ARF4: variants seen among roughly 807,000 people sequenced by gnomAD.
ARF4 encodes the protein ADP-ribosylation factor 4.
Under a neutral mutation model 24.3 loss-of-function variants are expected in ARF4, and 5 were observed. The ratio of observed to expected loss-of-function variants is 0.21; its 90% CI spans 0.11 to 0.43. The LOEUF (loss-of-function observed/expected upper bound fraction) is 0.43. Ranked by LOEUF, ARF4 falls within the 20% of genes least tolerant of loss-of-function variation. The pLI is 1.00. For synonymous variants in ARF4, 62 were observed against 73.5 expected, an observed-to-expected ratio of 0.84 and a Z score of 0.80; for missense variants, 107 against 213.0, an observed-to-expected ratio of 0.50 and a Z score of 3.10.
Position 57,584,384 on chromosome 3 carries a change from C to T in ARF4, c.148G>A (p.Gly50Ser). The change falls in exon 2 of 6, where the codon GGT becomes AGT. Residue 50 changes from glycine to serine, a missense_variant and splice_region_variant. By Grantham distance (56) the Gly-to-Ser change is moderately conservative. Coordinates refer to ENST00000303436, the MANE Select transcript of ARF4 (RefSeq NM_001660.4). ...TAAAGTCATCTGTAAACTTTCTTACCAATGGTAGGAATGGTGGTGACTATC... is the reference window on the plus strand; with the variant it reads ...TAAAGTCATCTGTAAACTTTCTTACTAATGGTAGGAATGGTGGTGACTATC... ...GEIVTTIPTI[G>S]FNVETVEYKN... is the part of the protein sequence containing the mutation. 6.2e-7 allele frequency: 1 copy of T among 1,604,980 alleles called. No individual in the cohort carries two copies. Among genetic ancestry groups the T allele is most frequent in the Non-Finnish European group, 8.5e-7 (1 of 1,172,350 alleles).
In ARF4 at chr3:57,597,163, GGCAGAA is replaced by G. The variant is rs1221544025; in HGVS notation, c.-29_-24del. ...CATGGCGGTAGTGGCACTTGTGATG[GGCAGAA>G]GCAGAAGGGGTTTGGGGCGACCCCG... On this transcript the variant is annotated 5_prime_UTR_variant, in exon 1 of 6. Transcript: ENST00000303436. 2 of 1,607,734 alleles carry G rather than the reference GGCAGAA, an allele frequency of 1.2e-6. No homozygotes were observed. Among genetic ancestry groups the G allele is most frequent in the Non-Finnish European group, 8.5e-7 (1 of 1,174,496 alleles).
At chr3:57,581,915 A>G (rs1194414038) in intron 3 of ARF4, among the ~76,000 whole-genome samples, 3 of 152,218 alleles carry the variant, frequency 2.0e-5, no homozygotes, top group Non-Finnish European at 4.4e-5. Flanking sequence ...TTATTATGCT[A>G]TTCTATTTGT....
chr3:57,589,241 C>G (rs1342478975), intron 1 of ARF4, among the ~76,000 whole-genome samples: 2 of 152,096 alleles, frequency 1.3e-5, no homozygotes, highest in East Asian at 3.9e-4. Flanking sequence ...GTGCTTCAGC[C>G]TGGGCAACAG....
intron 1 of ARF4, 174 bp downstream of exon 1, chr3:57,596,900 G>A: frequency 1.6e-6 from 1 of 636,548 alleles, no homozygotes. Context: ...CGGGGGCGGG[G>A]GGGATCGCTC....
rs903083102 is a variant in ARF4 at position 57,571,712 on chromosome 3, C to T, written c.*500G>A. The stretch of plus-strand genomic sequence containing the variant: ...GAGTCAATGTAGGGGGAAAAATTTC[C>T]TCAGTGCAAGAGAGCTGAGTAGTGT... On this transcript the variant is annotated 3_prime_UTR_variant, in exon 6 of 6. Coordinates refer to ENST00000303436, the MANE Select transcript of ARF4 (RefSeq NM_001660.4). 1.3e-5 allele frequency: 2 copies of T among 153,044 alleles called. No individual in the cohort carries two copies. Among genetic ancestry groups the T allele is most frequent in the Non-Finnish European group, 2.9e-5 (2 of 68,366 alleles). The allele number at this position is 153,044 out of a possible 1,614,324, so 9.5% of individuals were successfully genotyped here.
intron 1 of ARF4, 127 bp from the exon 2 acceptor site, chr3:57,584,591 TGAAA>T: frequency 2.6e-6 from 2 of 774,500 alleles, no homozygotes; most frequent in Non-Finnish European, 4.2e-6. Flanking sequence ...GAGTTAGAAA[TGAAA>T]TGACCTTATT....
At chr3:57,587,274 G>A (rs1460751380) in intron 1 of ARF4, among the ~76,000 whole-genome samples, 1 of 145,954 alleles carries the variant, frequency 6.9e-6, no homozygotes, top group African/African-American at 2.5e-5. Flanking sequence ...AGCCGAGATC[G>A]TGCCATTGCA....
chr3:57,587,212 T>A (rs4481125), intron 1 of ARF4, among the ~76,000 whole-genome samples: 1 of 151,140 alleles, frequency 6.6e-6, no homozygotes, highest in African/African-American at 2.4e-5. Context: ...CCAGATACTC[T>A]GGAGGCTGAG....
intron 3 of ARF4, among the ~76,000 whole-genome samples, chr3:57,581,991 A>G (rs2069978451): frequency 6.6e-6 from 1 of 152,182 alleles, no homozygotes; most frequent in South Asian, 2.1e-4. Flanking sequence ...CACCAACATA[A>G]CAAAGAAAAA....
In ARF4 at chr3:57,587,319, CA is replaced by C. The variant is rs56787111; in HGVS notation, c.68-2856del. Among the ~76,000 whole-genome samples the C allele has an allele frequency of 9.1e-3, 414 of 45,408 alleles. 4 individuals carry two copies. Among genetic ancestry groups the C allele is most frequent in the Admixed American group, 0.036 (154 of 4,328 alleles). 29.8% of individuals were successfully genotyped at this position (45,408 alleles called of 152,430 possible). ...GGACAACAAGAGCGGAACTCAGTCT[CA>C]AAAAAAAAAAAAAAAAAAAAAAGTA... On this transcript the variant is annotated intron_variant, in intron 1 of 5. Coordinates refer to ENST00000303436, the MANE Select transcript of ARF4 (RefSeq NM_001660.4).
intron 1 of ARF4, among the ~76,000 whole-genome samples, chr3:57,593,782 C>T (rs545828304): frequency 3.9e-5 from 6 of 152,104 alleles, no homozygotes; most frequent in African/African-American, 1.2e-4. Flanking sequence ...CGCCCTGTAA[C>T]CCTAGCACTT....
At chr3:57,578,922 GA>G (rs886074287) in intron 3 of ARF4, among the ~76,000 whole-genome samples, 6 of 151,696 alleles carry the variant, frequency 4.0e-5, no homozygotes, top group South Asian at 2.1e-4. Context: ...TAATAAAAAA[GA>G]AAAAAAGATA....
intron 1 of ARF4, among the ~76,000 whole-genome samples, chr3:57,589,683 A>C (rs2070084181): frequency 6.7e-6 from 1 of 150,134 alleles, no homozygotes; most frequent in South Asian, 2.1e-4. Context: ...GCGCCACGGC[A>C]CTCCAGCCTG....
chr3:57,584,132 G>T, intron 2 of ARF4, 125 bp from the exon 3 acceptor site: 1 of 750,394 alleles, frequency 1.3e-6, no homozygotes, highest in Non-Finnish European at 2.2e-6. Flanking sequence ...ATATATTTAA[G>T]CCTAAACATC....
In ARF4 at chr3:57,597,126, G is replaced by T. The variant is rs144207112; in HGVS notation, c.15C>A (p.Ile5=). 1 of 1,614,008 alleles carries T rather than the reference G, an allele frequency of 6.2e-7. No homozygotes were observed. ...CAAATAGTCGGGAGAAGAGGGAGGA[G>T]ATAGTGAGGCCCATGGCGGTAGTGG... MGLT[I]SSLFSRLFGK... The change falls in exon 1 of 6, where the codon ATC becomes ATA. Residue 5 remains isoleucine, a synonymous_variant. Coordinates refer to ENST00000303436, the MANE Select transcript of ARF4 (RefSeq NM_001660.4).
chr3:57,589,815 G>A (rs115182270), intron 1 of ARF4, among the ~76,000 whole-genome samples: 5,691 of 151,972 alleles, frequency 0.037, 134 homozygotes, highest in African/African-American at 0.051. Context: ...AGATCCAGCC[G>A]GGCACGGTGG....
intron 3 of ARF4, among the ~76,000 whole-genome samples, chr3:57,579,425 T>C (rs1284677503): frequency 4.0e-5 from 6 of 151,818 alleles, no homozygotes; most frequent in African/African-American, 1.5e-4. Flanking sequence ...GTAGCTGAGA[T>C]TACAGGCGCC....
intron 1 of ARF4, among the ~76,000 whole-genome samples, chr3:57,586,957 A>G (rs7637647): frequency 0.75 from 112,982 of 151,022 alleles, 44,209 homozygotes; most frequent in East Asian, 1. Flanking sequence ...ACACACACGC[A>G]CACACACAAA....
chr3:57,588,575 G>T, intron 1 of ARF4, among the ~76,000 whole-genome samples: 1 of 148,256 alleles, frequency 6.7e-6, no homozygotes, highest in South Asian at 2.1e-4. Context: ...AGGTGTGAGT[G>T]GGGCACAGTG....
Sources: allele counts gnomAD v4.1 joint callset (sites outside exome capture counted in the v4.1 genomes callset), GRCh38; gene constraint gnomAD v4.1.1; transcripts MANE v1.5; gene names NCBI Gene and HGNC (gene_info 2026-07-23, HGNC 2026-07-21).